NPTN: variants seen among roughly 807,000 people sequenced by gnomAD.
NPTN encodes SDR-1.
A neutral mutation model predicts 42.7 loss-of-function variants in NPTN; 5 were observed. That is an observed-to-expected ratio of 0.12 (90% CI 0.06 to 0.25). NPTN has a LOEUF of 0.25. NPTN is among the 10% of genes least tolerant of loss of function. NPTN has a pLI of 1.00. For synonymous variants in NPTN, 180 were observed against 201.9 expected, an observed-to-expected ratio of 0.89 and a Z score of 0.92; for missense variants, 307 against 525.4, an observed-to-expected ratio of 0.58 and a Z score of 4.06.
At chr15:73,627,371 G>C (rs186227493) in intron 1 of NPTN, among the ~76,000 whole-genome samples, 45 of 152,314 alleles carry the variant, frequency 3.0e-4, no homozygotes, top group Admixed American at 2.8e-3. Context: ...ATACCATTTA[G>C]TGCTTTTTAG....
intron 2 of NPTN, among the ~76,000 whole-genome samples, chr15:73,594,312 G>A (rs1033550082): frequency 1.3e-5 from 2 of 152,162 alleles, no homozygotes; most frequent in African/African-American, 4.8e-5. Context: ...CTGTGGCGAT[G>A]CAAATGACCA....
At chr15:73,605,670 T>G (rs1464885741) in intron 1 of NPTN, among the ~76,000 whole-genome samples, 2 of 149,918 alleles carry the variant, frequency 1.3e-5, no homozygotes. Flanking sequence ...GAGGTTGCGG[T>G]GAGCTGAGAT....
intron 6 of NPTN, chr15:73,565,907 C>A: frequency 2.5e-6 from 1 of 406,672 alleles, no homozygotes; most frequent in Non-Finnish European, 5.0e-6. Flanking sequence ...AACGGATTGC[C>A]TAATACAATA....
At chr15:73,600,910 G>T (rs934418420) in intron 1 of NPTN, among the ~76,000 whole-genome samples, 3 of 152,216 alleles carry the variant, frequency 2.0e-5, no homozygotes, top group Admixed American at 6.5e-5. Context: ...TAGTTCTGAT[G>T]ATTCCAATGC....
intron 1 of NPTN, among the ~76,000 whole-genome samples, chr15:73,627,707 T>C (rs1898493378): frequency 6.6e-6 from 1 of 152,210 alleles, no homozygotes; most frequent in Non-Finnish European, 1.5e-5. Flanking sequence ...AAGTTAGGCC[T>C]ACTTTCAGTT....
chr15:73,617,600 T>G (rs187924399), intron 1 of NPTN, among the ~76,000 whole-genome samples: 3 of 152,206 alleles, frequency 2.0e-5, no homozygotes, highest in Non-Finnish European at 2.9e-5. Flanking sequence ...GTCAAGTTTT[T>G]CCAGTGGTAT....
At chr15:73,583,764 A>C (rs1421504903) in intron 4 of NPTN, among the ~76,000 whole-genome samples, 3 of 152,334 alleles carry the variant, frequency 2.0e-5, no homozygotes, top group Non-Finnish European at 4.4e-5. Context: ...ACCTCTACGC[A>C]TCCTCACCTA....
intron 1 of NPTN, among the ~76,000 whole-genome samples, chr15:73,629,839 G>GA (rs904979538): frequency 2.9e-5 from 4 of 138,752 alleles, no homozygotes; most frequent in Non-Finnish European, 3.2e-5. Context: ...TTGGTTCACA[G>GA]AAAAAAAAGA....
intron 1 of NPTN, among the ~76,000 whole-genome samples, chr15:73,607,579 A>G (rs1055717946): frequency 6.6e-6 from 1 of 152,216 alleles, no homozygotes; most frequent in Non-Finnish European, 1.5e-5. Flanking sequence ...GAAACCACAG[A>G]GTCAAAAACT....
chr15:73,581,738 A>C (rs1355482053), intron 4 of NPTN, among the ~76,000 whole-genome samples: 1 of 152,168 alleles, frequency 6.6e-6, no homozygotes, highest in Non-Finnish European at 1.5e-5. Flanking sequence ...CAGGCCATGG[A>C]GGCACGTTTC....
At chr15:73,613,108 G>C (rs936719239) in intron 1 of NPTN, among the ~76,000 whole-genome samples, 4 of 152,140 alleles carry the variant, frequency 2.6e-5, no homozygotes, top group Non-Finnish European at 5.9e-5. Flanking sequence ...AATTAGAGTG[G>C]AGATATCCCA....
rs1464596585 is a variant in NPTN at position 73,569,494 on chromosome 15, C to T, written c.1114+656G>A. 2.0e-6 allele frequency: 2 copies of T among 985,328 alleles called. No individual in the cohort carries two copies. Among genetic ancestry groups the T allele is most frequent in the Non-Finnish European group, 2.4e-6 (2 of 829,934 alleles). The allele number at this position is 985,328 out of a possible 1,614,324, so 61.0% of individuals were successfully genotyped here. On this transcript the variant is annotated intron_variant, in intron 6 of 8. Coordinates refer to ENST00000345330, the MANE Select transcript of NPTN (RefSeq NM_012428.4). The surrounding 1 kb of genome is among the most constrained non-coding windows in gnomAD (Gnocchi z 4.1). ...TCCATTTGTTCCGCCTTTGCTATCT[C>T]TGTCTTACACTAGATGGGTGGATAC...
chr15:73,604,276 T>C (rs1179154402), intron 1 of NPTN, among the ~76,000 whole-genome samples: 1 of 152,006 alleles, frequency 6.6e-6, no homozygotes, highest in Non-Finnish European at 1.5e-5. Flanking sequence ...CCGGCCTGGG[T>C]AACACGGCAA....
chr15:73,574,538 G>C (rs948321985), intron 4 of NPTN, among the ~76,000 whole-genome samples: 1 of 152,108 alleles, frequency 6.6e-6, no homozygotes, highest in Non-Finnish European at 1.5e-5. Context: ...CTCAGCTCCC[G>C]AGTAACTAGA....
chr15:73,625,921 G>C (rs1202556796), intron 1 of NPTN, among the ~76,000 whole-genome samples: 2 of 152,166 alleles, frequency 1.3e-5, no homozygotes, highest in Non-Finnish European at 2.9e-5. Context: ...TAACAAAGTA[G>C]TACCATGAAT....
chr15:73,590,681 G>A (rs1323483995), intron 3 of NPTN, among the ~76,000 whole-genome samples: 2 of 151,920 alleles, frequency 1.3e-5, no homozygotes, highest in Admixed American at 1.3e-4. Flanking sequence ...AGGATGGCTT[G>A]AGCCCGGGAG....
chr15:73,603,151 G>A (rs915973035), intron 1 of NPTN, among the ~76,000 whole-genome samples: 4 of 152,218 alleles, frequency 2.6e-5, no homozygotes, highest in African/African-American at 7.2e-5. Context: ...TCTGTAAAAC[G>A]GGACTAATAA....
In NPTN at chr15:73,569,365, C is replaced by T. The variant is rs1236828064; in HGVS notation, c.1114+785G>A. On this transcript the variant is annotated intron_variant, in intron 6 of 8. Transcript: ENST00000345330. This position sits in a 1 kb window ranked among gnomAD's most constrained non-coding sequence, Gnocchi z 4.1. Reference sequence around the variant, plus strand: ...TATCCAATAACCTAAGATTTCAGCTCTTGCTCTTTCCAGTGCTCAGTGGTG... The same window carrying T: ...TATCCAATAACCTAAGATTTCAGCTTTTGCTCTTTCCAGTGCTCAGTGGTG... 5.1e-6 allele frequency: 5 copies of T among 985,418 alleles called. No individual in the cohort carries two copies. The South Asian group carries it at 1.4e-4, about 28-fold the overall frequency. 61.0% of individuals were successfully genotyped at this position (985,418 alleles called of 1,614,324 possible). A position where few individuals can be genotyped will look rare whatever the true frequency, so the allele number is the denominator to read the frequency against.
At chr15:73,585,668 A>G (rs1280411660) in intron 4 of NPTN, among the ~76,000 whole-genome samples, 1 of 152,212 alleles carries the variant, frequency 6.6e-6, no homozygotes, top group Non-Finnish European at 1.5e-5. Context: ...TTGAGAGATA[A>G]ACACACAGTA....
Sources: gnomAD v4.1 joint callset for allele counts (sites outside exome capture counted in the v4.1 genomes callset) on GRCh38, gnomAD v4.1.1 for gene constraint, Gnocchi (gnomAD v3.1) non-coding constraint, MANE v1.5 for transcripts, NCBI Gene and HGNC (gene_info 2026-07-23, HGNC 2026-07-21) for gene names.